The following YPEL2 variants were observed in gnomAD, a reference collection of about 807,000 sequenced individuals.
The protein encoded by YPEL2 is protein yippee-like 2.
A neutral mutation model predicts 19.1 loss-of-function variants in YPEL2; 2 were observed. The observed-to-expected ratio is 0.10, with a 90% CI of 0.04 to 0.33. The LOEUF (loss-of-function observed/expected upper bound fraction) is 0.33. YPEL2 is among the 10% of genes least tolerant of loss of function. YPEL2 has a pLI of 1.00. For missense variants in YPEL2, 66 were observed against 140.7 expected (o/e 0.47, Z 2.68); for synonymous variants, 52 against 50.0 (o/e 1.04, Z -0.17).
intron 1 of YPEL2, among the ~76,000 whole-genome samples, chr17:59,343,284 G>A (rs965651915): frequency 6.6e-6 from 1 of 152,000 alleles, no homozygotes; most frequent in South Asian, 2.1e-4. Context: ...TTCACTGATG[G>A]CCATTCATTT....
chr17:59,379,302 A>G (rs546065597), intron 2 of YPEL2, among the ~76,000 whole-genome samples: 2 of 152,304 alleles, frequency 1.3e-5, no homozygotes, highest in African/African-American at 4.8e-5. Context: ...ACTCTTTGGA[A>G]TGGAACCTAT....
In YPEL2 at chr17:59,331,765, C is replaced by T. The variant is rs2047670470; in HGVS notation, c.-255C>T. The T allele has an allele frequency of 6.6e-6, 1 of 152,086 alleles. No individual in the cohort carries two copies. Among genetic ancestry groups the T allele is most frequent in the East Asian group, 1.9e-4 (1 of 5,170 alleles). 9.4% of individuals were successfully genotyped at this position (152,086 alleles called of 1,614,324 possible). A position where few individuals can be genotyped will look rare whatever the true frequency, so the allele number is the denominator to read the frequency against. The stretch of plus-strand genomic sequence containing the variant: ...GAGCCCCAGCCGGGCCGCGCTTCGC[C>T]GCTGCGCACCCCAGCGGAGCCAAGC... On this transcript the variant is annotated 5_prime_UTR_variant, in exon 1 of 5. Coordinates refer to ENST00000312655, the MANE Select transcript of YPEL2 (RefSeq NM_001005404.4).
chr17:59,350,056 C>A (rs1249852911), intron 1 of YPEL2, among the ~76,000 whole-genome samples: 4 of 152,060 alleles, frequency 2.6e-5, no homozygotes, highest in African/African-American at 9.7e-5. Context: ...ATTCATATTT[C>A]AGCAAGCCGC....
chr17:59,344,677 G>A (rs1272076131), intron 1 of YPEL2, among the ~76,000 whole-genome samples: 1 of 152,168 alleles, frequency 6.6e-6, no homozygotes, highest in Admixed American at 6.5e-5. Context: ...AGAACTGCTT[G>A]AACCTGGAAG....
At chr17:59,386,163 T>A (rs142787929) in intron 2 of YPEL2, among the ~76,000 whole-genome samples, 12 of 22,800 alleles carry the variant, frequency 5.3e-4, no homozygotes, top group Admixed American at 4.1e-3. Context: ...TCTCTATAAA[T>A]TTTTTTTTTT....
At chr17:59,345,742 GT>G (rs2047752678) in intron 1 of YPEL2, among the ~76,000 whole-genome samples, 1 of 152,202 alleles carries the variant, frequency 6.6e-6, no homozygotes. Context: ...AACAATTCCT[GT>G]GCTTTTTCTC....
At chr17:59,371,400 G>T (rs1250694299) in intron 2 of YPEL2, among the ~76,000 whole-genome samples, 1 of 152,244 alleles carries the variant, frequency 6.6e-6, no homozygotes, top group Non-Finnish European at 1.5e-5. Context: ...TTTAGTGGCA[G>T]GTGGAACATG....
intron 1 of YPEL2, among the ~76,000 whole-genome samples, chr17:59,332,578 G>A (rs776967418): frequency 1.3e-5 from 2 of 152,104 alleles, no homozygotes; most frequent in Non-Finnish European, 2.9e-5. Context: ...ACCTCCTCTG[G>A]TGTCTTTCCC....
intron 2 of YPEL2, among the ~76,000 whole-genome samples, chr17:59,378,192 C>A (rs1341883698): frequency 6.6e-6 from 1 of 152,100 alleles, no homozygotes. Context: ...TTCCCTAGGC[C>A]CATCCCTGAA....
At chr17:59,341,547 T>C (rs2047731079) in intron 1 of YPEL2, among the ~76,000 whole-genome samples, 1 of 152,018 alleles carries the variant, frequency 6.6e-6, no homozygotes, top group African/African-American at 2.4e-5. Context: ...TAATCCCAGC[T>C]ACTTGGGAGG....
chr17:59,349,655 CTTTTG>C (rs200032459), intron 1 of YPEL2, among the ~76,000 whole-genome samples: 113 of 151,938 alleles, frequency 7.4e-4, no homozygotes, highest in East Asian at 2.9e-3. Flanking sequence ...ACAGGCTGGC[CTTTTG>C]TTTTGTTTTG....
At chr17:59,351,938 G>T (rs1273494970) in intron 1 of YPEL2, among the ~76,000 whole-genome samples, 2 of 152,204 alleles carry the variant, frequency 1.3e-5, no homozygotes, top group Non-Finnish European at 2.9e-5. Context: ...AAGTGTCCCA[G>T]AAGTATGGCG....
intron 2 of YPEL2, among the ~76,000 whole-genome samples, chr17:59,359,878 T>G (rs1372543439): frequency 6.6e-6 from 1 of 152,218 alleles, no homozygotes; most frequent in Non-Finnish European, 1.5e-5. Flanking sequence ...TCTGCCACTT[T>G]GCTGTTGAAT....
rs759770070 is a variant in YPEL2 at position 59,353,534 on chromosome 17, T to A, written c.117+8T>A. On this transcript the variant is annotated splice_region_variant and intron_variant, in intron 2 of 4. Transcript: ENST00000312655. The surrounding 1 kb of genome is among the most constrained non-coding windows in gnomAD (Gnocchi z 4.8). ...GATGAACTAATTTCCAAGGTACACA[T>A]TTCCAGCAGGCCTTCCTTGCCTACC... The A allele has an allele frequency of 1.2e-6, 2 of 1,609,694 alleles. No homozygotes were observed. The highest frequency in any genetic ancestry group is 1.7e-6 in the Non-Finnish European group (2 of 1,175,990).
At chr17:59,357,455 A>T (rs2047818469) in intron 2 of YPEL2, among the ~76,000 whole-genome samples, 1 of 152,174 alleles carries the variant, frequency 6.6e-6, no homozygotes, top group Admixed American at 6.5e-5. Context: ...GTGCTGAGGC[A>T]TCCTACAATT....
rs567694040 is a variant in YPEL2, at chr17:59,333,262, G to A, written c.-196+1438G>A. ...GAGAGCTGTGCAGACTTCCCCCTTGGCACCATCCCCTGTCCCCAGCTCCAT... is the reference window on the plus strand; with the variant it reads ...GAGAGCTGTGCAGACTTCCCCCTTGACACCATCCCCTGTCCCCAGCTCCAT... On this transcript the variant is annotated intron_variant, in intron 1 of 4. Transcript: ENST00000312655. Among the ~76,000 whole-genome samples, 9 of 152,318 alleles carry A rather than the reference G, an allele frequency of 5.9e-5. 1 individual carries two copies. The highest frequency in any genetic ancestry group is 1.9e-4 in the African/African-American group (8 of 41,572).
chr17:59,333,280 A>C (rs716317), intron 1 of YPEL2, among the ~76,000 whole-genome samples: 37,536 of 152,180 alleles, frequency 0.25, 4,842 homozygotes, highest in East Asian at 0.41. Context: ...CCCTGTCCCC[A>C]GCTCCATGAT....
At chr17:59,391,529 T>A (rs535759219) in intron 4 of YPEL2, among the ~76,000 whole-genome samples, 1 of 151,320 alleles carries the variant, frequency 6.6e-6, no homozygotes, top group African/African-American at 2.4e-5. Context: ...AAAAAAAAAA[T>A]TGTCCCAGGT....
At chr17:59,341,307 G>C (rs1041989840) in intron 1 of YPEL2, among the ~76,000 whole-genome samples, 2 of 151,886 alleles carry the variant, frequency 1.3e-5, no homozygotes, top group African/African-American at 4.8e-5. Context: ...CAGGAGAATC[G>C]CTTGAACCCG....
Sources: gnomAD v4.1 joint callset for allele counts (sites outside exome capture counted in the v4.1 genomes callset) on GRCh38, gnomAD v4.1.1 for gene constraint, Gnocchi (gnomAD v3.1) non-coding constraint, MANE v1.5 for transcripts, NCBI Gene and HGNC (gene_info 2026-07-23, HGNC 2026-07-21) for gene names.